THSD7B: variants seen among roughly 807,000 people sequenced by gnomAD.
THSD7B encodes thrombospondin type-1 domain-containing protein 7B.
THSD7B carries 138 observed loss-of-function variants against 213.6 expected under a neutral mutation model. The observed-to-expected ratio is 0.65, with a 90% confidence interval of 0.56 to 0.74. The LOEUF (loss-of-function observed/expected upper bound fraction) is 0.74, where lower values mean the gene tolerates loss of function less well. THSD7B is among the 30% of genes least tolerant of loss of function. The probability of loss-of-function intolerance (pLI) is 0.00; values close to 1 mark genes in which losing one functional copy is unlikely to be tolerated. For missense variants in THSD7B, 1,931 were observed against 1,991.5 expected (o/e 0.97, Z 0.58); for synonymous variants, 742 against 687.0 (o/e 1.08, Z -1.25).
At chr2:137,052,140 G>T (rs1687080953) in intron 2 of THSD7B, among the ~76,000 whole-genome samples, 1 of 152,124 alleles carries the variant, frequency 6.6e-6, no homozygotes, top group Non-Finnish European at 1.5e-5. Context: ...CAAGTCCAAA[G>T]AATTCACTTC....
chr2:137,434,287 T>C (rs560142130), intron 14 of THSD7B, among the ~76,000 whole-genome samples: 2 of 152,260 alleles, frequency 1.3e-5, no homozygotes, highest in Admixed American at 6.5e-5. Context: ...TCTCTACAAG[T>C]CTAGTAAACC....
intron 15 of THSD7B, among the ~76,000 whole-genome samples, chr2:137,486,750 T>A (rs943551076): frequency 2.6e-5 from 4 of 151,988 alleles, no homozygotes; most frequent in Admixed American, 6.6e-5. Flanking sequence ...GAAGTAAAGC[T>A]CTCCTCAGCA....
chr2:137,147,546 G>A lies in THSD7B; in HGVS notation c.1370-12667G>A, dbSNP rs547580001. Among the ~76,000 whole-genome samples the A allele has an allele frequency of 1.4e-4, 21 of 147,200 alleles. No homozygotes were observed. The South Asian group carries it at 4.5e-3, about 32-fold the overall frequency. On this transcript the variant is annotated intron_variant, in intron 5 of 27. Coordinates refer to ENST00000409968, the MANE Select transcript of THSD7B (RefSeq NM_001316349.2). ...TTGTCTGGTTTTTTTTTTGTTTTTT[G>A]TCCCTTATAAAGAGGTTTAAGCTTT...
chr2:137,128,705 A>G (rs1260926619), intron 5 of THSD7B, among the ~76,000 whole-genome samples: 1 of 152,134 alleles, frequency 6.6e-6, no homozygotes, highest in East Asian at 1.9e-4. Flanking sequence ...GCCTCCATCC[A>G]CTTCCCTAAC....
chr2:137,304,086 T>C (rs1198560517), intron 12 of THSD7B, among the ~76,000 whole-genome samples: 1 of 152,018 alleles, frequency 6.6e-6, no homozygotes, highest in Non-Finnish European at 1.5e-5. Flanking sequence ...GTTAGTTTGC[T>C]GAGAATGATG....
intron 13 of THSD7B, among the ~76,000 whole-genome samples, chr2:137,410,897 A>G (rs1686638241): frequency 6.6e-6 from 1 of 152,238 alleles, no homozygotes; most frequent in African/African-American, 2.4e-5. Flanking sequence ...AGGCTGATTT[A>G]GAATCCACTA....
chr2:136,772,755 G>T (rs1380956904), intron 1 of THSD7B, among the ~76,000 whole-genome samples: 2 of 152,100 alleles, frequency 1.3e-5, no homozygotes, highest in South Asian at 4.1e-4. Flanking sequence ...GGTCAAAGAG[G>T]ACAACTTACT....
intron 15 of THSD7B, among the ~76,000 whole-genome samples, chr2:137,553,392 G>A (rs928239024): frequency 6.6e-6 from 1 of 152,102 alleles, no homozygotes; most frequent in Non-Finnish European, 1.5e-5. Context: ...CCAAGTTTAT[G>A]GCAGGGAAGT....
chr2:137,480,892 C>T (rs542028021), intron 15 of THSD7B, among the ~76,000 whole-genome samples: 1 of 152,350 alleles, frequency 6.6e-6, no homozygotes, highest in South Asian at 2.1e-4. Context: ...ATGTTTGTGT[C>T]TCCTCCAAAA....
intron 14 of THSD7B, among the ~76,000 whole-genome samples, chr2:137,413,528 A>G (rs1352592182): frequency 6.6e-6 from 1 of 152,238 alleles, no homozygotes; most frequent in East Asian, 1.9e-4. Flanking sequence ...AGTGACATAA[A>G]TCTAAGATGT....
chr2:137,360,414 T>A (rs1371844098), intron 12 of THSD7B, among the ~76,000 whole-genome samples: 1 of 152,124 alleles, frequency 6.6e-6, no homozygotes, highest in African/African-American at 2.4e-5. Flanking sequence ...GTGGGGCACT[T>A]CTTCCCCTGG....
At chr2:137,191,504 G>C (rs191952802) in intron 7 of THSD7B, among the ~76,000 whole-genome samples, 8 of 151,956 alleles carry the variant, frequency 5.3e-5, no homozygotes, top group Non-Finnish European at 1.2e-4. Context: ...TGCTTGCCTG[G>C]TTCTGCCGCT....
intron 2 of THSD7B, among the ~76,000 whole-genome samples, chr2:136,905,184 T>C (rs1684138375): frequency 6.6e-6 from 1 of 152,214 alleles, no homozygotes; most frequent in Non-Finnish European, 1.5e-5. Context: ...AGCACTCTTA[T>C]GATCATTCTA....
chr2:137,308,333 C>A (rs1049874887), intron 12 of THSD7B, among the ~76,000 whole-genome samples: 1 of 152,038 alleles, frequency 6.6e-6, no homozygotes, highest in South Asian at 2.1e-4. Flanking sequence ...TCCAGACCAG[C>A]TTATTGTCTG....
At chr2:137,414,134 A>G (rs1475777628) in intron 14 of THSD7B, among the ~76,000 whole-genome samples, 1 of 152,180 alleles carries the variant, frequency 6.6e-6, no homozygotes, top group Non-Finnish European at 1.5e-5. Flanking sequence ...AATTCAACCA[A>G]TTTGCAATGC....
chr2:137,088,466 A>T (rs1687884064), intron 3 of THSD7B, among the ~76,000 whole-genome samples: 1 of 152,050 alleles, frequency 6.6e-6, no homozygotes, highest in Non-Finnish European at 1.5e-5. Flanking sequence ...CTCACCTTAT[A>T]CAAAAATCAA....
chr2:137,090,979 G>T (rs145244564), intron 3 of THSD7B, among the ~76,000 whole-genome samples: 187 of 152,224 alleles, frequency 1.2e-3, no homozygotes, highest in African/African-American at 3.9e-3. Context: ...CCAGAAAAGG[G>T]CATCTTACTG....
At chr2:137,214,685 TG>T (rs1681197080) in intron 7 of THSD7B, among the ~76,000 whole-genome samples, 1 of 152,094 alleles carries the variant, frequency 6.6e-6, no homozygotes, top group African/African-American at 2.4e-5. Flanking sequence ...GTGTGGTGTT[TG>T]GTTTTCTGTT....
chr2:136,965,332 C>T (rs546695329), intron 2 of THSD7B, among the ~76,000 whole-genome samples: 8 of 152,268 alleles, frequency 5.3e-5, no homozygotes, highest in African/African-American at 1.7e-4. Flanking sequence ...ACAAATAACA[C>T]ATATGGTGAA....
Sources: allele counts gnomAD v4.1 joint callset (sites outside exome capture counted in the v4.1 genomes callset), GRCh38; gene constraint gnomAD v4.1.1; transcripts MANE v1.5; gene names NCBI Gene and HGNC (gene_info 2026-07-23, HGNC 2026-07-21).